The following PPM1E variants were observed in gnomAD, a reference collection of about 807,000 sequenced individuals.
The protein encoded by PPM1E is protein phosphatase, Mg2+/Mn2+ dependent 1E, also known as protein phosphatase 1E.
Under a neutral mutation model 65.9 loss-of-function variants are expected in PPM1E, and 20 were observed. That is an observed-to-expected ratio of 0.30 (90% confidence interval 0.21 to 0.44). The LOEUF is 0.44. PPM1E is among the 20% of genes least tolerant of loss of function. The probability of loss-of-function intolerance (pLI) is 1.00; values close to 1 mark genes in which losing one functional copy is unlikely to be tolerated. For missense variants in PPM1E, 713 were observed against 953.1 expected (o/e 0.75, Z 3.32); for synonymous variants, 352 against 374.9 (o/e 0.94, Z 0.70).
At chr17:58,916,064 C>G (rs942429060) in intron 1 of PPM1E, among the ~76,000 whole-genome samples, 4 of 152,162 alleles carry the variant, frequency 2.6e-5, no homozygotes, top group African/African-American at 7.2e-5. Context: ...AGTCTAGACT[C>G]AAACTCCTGC....
rs1190212304 is a variant in PPM1E at position 58,984,636 on chromosome 17, C to T, written c.*3605C>T. ...TGATGTTAAAGGACAAATGCCCACT[C>T]TTCTATTCTGATCTGCAAATAGCTT... On this transcript the variant is annotated 3_prime_UTR_variant, in exon 7 of 7. Coordinates refer to ENST00000308249, the MANE Select transcript of PPM1E (RefSeq NM_014906.5). The T allele has an allele frequency of 6.6e-6, 1 of 152,596 alleles. No homozygotes were observed. The highest frequency in any genetic ancestry group is 2.4e-5 in the African/African-American group (1 of 41,444). The allele number at this position is 152,596 out of a possible 1,614,324, so 9.5% of individuals were successfully genotyped here. A position where few individuals can be genotyped will look rare whatever the true frequency, so the allele number is the denominator to read the frequency against.
intron 1 of PPM1E, among the ~76,000 whole-genome samples, chr17:58,817,838 G>A (rs956799604): frequency 2.0e-5 from 3 of 151,440 alleles, no homozygotes; most frequent in South Asian, 2.1e-4. Flanking sequence ...TGCAAGCTCC[G>A]CCTCCTGAGT....
intron 1 of PPM1E, among the ~76,000 whole-genome samples, chr17:58,767,379 G>A (rs9903756): frequency 1 from 151,963 of 152,318 alleles, 75,804 homozygotes; most frequent in Middle Eastern, 1. Context: ...GTCAGACTTG[G>A]GAGATTATAA....
chr17:58,927,768 T>C (rs2051841881), intron 1 of PPM1E, among the ~76,000 whole-genome samples: 1 of 151,832 alleles, frequency 6.6e-6, no homozygotes, highest in African/African-American at 2.4e-5. Flanking sequence ...ATTAAAAAAT[T>C]AGCCAGGCGG....
chr17:58,867,221 G>A (rs1452827904), intron 1 of PPM1E, among the ~76,000 whole-genome samples: 1 of 152,188 alleles, frequency 6.6e-6, no homozygotes, highest in Non-Finnish European at 1.5e-5. Context: ...CTCATGATCT[G>A]CCTGCCTTGG....
intron 1 of PPM1E, among the ~76,000 whole-genome samples, chr17:58,775,122 A>G (rs2049980956): frequency 6.6e-6 from 1 of 152,216 alleles, no homozygotes; most frequent in African/African-American, 2.4e-5. Context: ...AAGTGCTGGA[A>G]TTACAGGTGT....
intron 2 of PPM1E, among the ~76,000 whole-genome samples, chr17:58,958,126 G>A (rs938557565): frequency 1.8e-4 from 27 of 152,190 alleles, no homozygotes; most frequent in African/African-American, 6.5e-4. Flanking sequence ...GCGAGACCCT[G>A]TCTCAAACAA....
intron 1 of PPM1E, among the ~76,000 whole-genome samples, chr17:58,865,192 TCCTGGCCAACGTGGTGAAA>T (rs1227075516): frequency 1.3e-5 from 2 of 148,784 alleles, no homozygotes; most frequent in Non-Finnish European, 3.0e-5. Flanking sequence ...ATCGAGACCA[TCCTGGCCAACGTGGTGAAA>T]CCCAGTCTCT....
chr17:58,795,269 A>T (rs890309271), intron 1 of PPM1E, among the ~76,000 whole-genome samples: 56 of 152,132 alleles, frequency 3.7e-4, no homozygotes, highest in Non-Finnish European at 4.3e-4. Flanking sequence ...GTCAAATGGT[A>T]ATTCTGTTTT....
At chr17:58,928,702 AT>A (rs138970237) in intron 1 of PPM1E, among the ~76,000 whole-genome samples, 463 of 140,352 alleles carry the variant, frequency 3.3e-3, no homozygotes, top group East Asian at 3.3e-3. Flanking sequence ...TCACACACGA[AT>A]TTTTTTTTTT....
In PPM1E at chr17:58,756,004, G is replaced by A. The variant is rs200103257; in HGVS notation, c.7G>A (p.Gly3Ser). 3.3e-5 allele frequency: 54 copies of A among 1,613,988 alleles called. No homozygotes were observed. The Admixed American group carries it at 9.0e-4, about 27-fold the overall frequency. The change falls in exon 1 of 7, where the codon GGC becomes AGC. Residue 3 changes from glycine to serine, a missense_variant. Physicochemically the swap from Gly to Ser is moderately conservative, Grantham distance 56. This residue lies in a region of PPM1E where 212 missense variants were observed against 204.0 expected (regional missense o/e 1.04). Coordinates refer to ENST00000308249, the MANE Select transcript of PPM1E (RefSeq NM_014906.5). ...CCCTGGGGCATGAGCAGCGATGGCCGGCTGCATCCCTGAGGAGAAAACTTA... is the reference window on the plus strand; with the variant it reads ...CCCTGGGGCATGAGCAGCGATGGCCAGCTGCATCCCTGAGGAGAAAACTTA... MAGCIPEEKTYRR... is the reference protein window; with the variant it reads MASCIPEEKTYRR...
chr17:58,953,109 ATCT>A (rs1402804923), intron 1 of PPM1E, among the ~76,000 whole-genome samples: 5 of 152,350 alleles, frequency 3.3e-5, no homozygotes, highest in African/African-American at 9.6e-5. Flanking sequence ...GCATAGGATA[ATCT>A]TCTCGTTCCC....
At chr17:58,879,639 G>GC (rs2051169405) in intron 1 of PPM1E, among the ~76,000 whole-genome samples, 1 of 150,320 alleles carries the variant, frequency 6.7e-6, no homozygotes, top group South Asian at 2.1e-4. Context: ...CTCCTGAGTA[G>GC]CCGGGACTAC....
At chr17:58,933,307 G>A (rs546413049) in intron 1 of PPM1E, among the ~76,000 whole-genome samples, 1 of 152,276 alleles carries the variant, frequency 6.6e-6, no homozygotes. Flanking sequence ...CAAATATTGG[G>A]AGAATTGAGG....
intron 1 of PPM1E, among the ~76,000 whole-genome samples, chr17:58,811,780 C>T (rs2050370934): frequency 6.6e-6 from 1 of 152,032 alleles, no homozygotes; most frequent in African/African-American, 2.4e-5. Context: ...AAGCAATTCT[C>T]CTGCCTCAGC....
intron 1 of PPM1E, among the ~76,000 whole-genome samples, chr17:58,790,146 AC>A (rs1023324649): frequency 1.3e-5 from 2 of 151,846 alleles, no homozygotes; most frequent in Non-Finnish European, 2.9e-5. Context: ...ACAGCTTCAA[AC>A]TCCTGGGCTC....
At chr17:58,897,247 T>C (rs1451756644) in intron 1 of PPM1E, among the ~76,000 whole-genome samples, 1 of 151,838 alleles carries the variant, frequency 6.6e-6, no homozygotes, top group Non-Finnish European at 1.5e-5. Flanking sequence ...ACCCCGTATT[T>C]ACTAAAAATA....
chr17:58,865,871 C>A (rs1389004216), intron 1 of PPM1E, among the ~76,000 whole-genome samples: 2 of 152,150 alleles, frequency 1.3e-5, no homozygotes, highest in African/African-American at 4.8e-5. Flanking sequence ...AAATTTACAT[C>A]CCTAGGCACA....
At chr17:58,908,064 C>G (rs2051580175) in intron 1 of PPM1E, among the ~76,000 whole-genome samples, 1 of 151,208 alleles carries the variant, frequency 6.6e-6, no homozygotes, top group Admixed American at 6.6e-5. Context: ...TTTTTGTCTT[C>G]TACTCTTTTT....
Sources: allele counts gnomAD v4.1 joint callset (sites outside exome capture counted in the v4.1 genomes callset), GRCh38; gene constraint gnomAD v4.1.1; regional missense constraint gnomAD v4.1.1; transcripts MANE v1.5; gene names NCBI Gene and HGNC (gene_info 2026-07-23, HGNC 2026-07-21).